Variants in CASP4 observed in about 807,000 individuals in gnomAD.
The protein encoded by CASP4 is caspase 4, also known as caspase-4.
A neutral mutation model predicts 41.3 loss-of-function variants in CASP4; 29 were observed. That is an observed-to-expected ratio of 0.70 (90% CI 0.52 to 0.96). The LOEUF (loss-of-function observed/expected upper bound fraction) is 0.96. Among genes scored for constraint, CASP4 ranks in the 40% least tolerant of loss-of-function variants. The pLI is 0.00. For missense variants in CASP4, 447 were observed against 460.6 expected (o/e 0.97, Z 0.27); for synonymous variants, 185 against 158.4 (o/e 1.17, Z -1.26).
At chr11:104,964,971 A>T (rs563129407) in intron 1 of CASP4, among the ~76,000 whole-genome samples, 1 of 152,330 alleles carries the variant, frequency 6.6e-6, no homozygotes, top group East Asian at 1.9e-4. Flanking sequence ...AGTAAGACTA[A>T]AGCTTATTTT....
rs185131094 is a variant in CASP4, at chr11:104,951,425, T to C, written c.373-327A>G. The C allele has an allele frequency of 7.5e-4, 188 of 250,962 alleles. 1 individual carries two copies. The highest frequency in any genetic ancestry group is 3.1e-3 in the Admixed American group (62 of 20,124). 15.5% of individuals were successfully genotyped at this position (250,962 alleles called of 1,614,324 possible). On this transcript the variant is annotated intron_variant, in intron 3 of 8. Transcript: ENST00000444739. ...TGTTGTCGTTGACTCCAGTGAAAAA[T>C]GAATACAGCAAAAGTCTTTGCCTTC...
chr11:104,951,506 A>G lies in CASP4; in HGVS notation c.372+390T>C, dbSNP rs1477457280. On this transcript the variant is annotated intron_variant, in intron 3 of 8. Transcript: ENST00000444739. ...ACACATAAATTTATAATGTTTTTCAAGCTTTAATTATATTTCCCAAGTATC... is the reference window on the plus strand; with the variant it reads ...ACACATAAATTTATAATGTTTTTCAGGCTTTAATTATATTTCCCAAGTATC... The G allele has an allele frequency of 1.6e-5, 4 of 251,120 alleles. No homozygotes were observed. The East Asian group carries it at 3.6e-4, about 23-fold the overall frequency. 15.6% of individuals were successfully genotyped at this position (251,120 alleles called of 1,614,324 possible).
At chr11:104,955,488 AT>A (rs1288779258) in intron 1 of CASP4, among the ~76,000 whole-genome samples, 1 of 151,978 alleles carries the variant, frequency 6.6e-6, no homozygotes, top group Non-Finnish European at 1.5e-5. Context: ...TTGAATTTGC[AT>A]TTTTTTAACT....
chr11:104,947,029 C>T, intron 7 of CASP4, 54 bp downstream of exon 7: 1 of 1,257,554 alleles, frequency 8.0e-7, no homozygotes, highest in Non-Finnish European at 1.2e-6. Context: ...AAAAGTGAAT[C>T]ATGACAAATT....
intron 1 of CASP4, among the ~76,000 whole-genome samples, chr11:104,957,085 G>C: frequency 6.6e-6 from 1 of 152,064 alleles, no homozygotes; most frequent in Admixed American, 6.6e-5. Context: ...GAAATAAAAG[G>C]CATCAAAATT....
In CASP4 at chr11:104,954,991, G is replaced by A; in HGVS notation, c.18C>T (p.His6=). 6.2e-7 allele frequency: 1 copy of A among 1,612,558 alleles called. No individual in the cohort carries two copies. The highest frequency in any genetic ancestry group is 8.5e-7 in the Non-Finnish European group (1 of 1,179,426). MAEGN[H]RKKPLKVLES... is the part of the protein sequence containing the mutation. ...CCAACACCTTAAGTGGCTTTTTTCTGTGGTTGCCTTCTGTTAGAAATAGAA... is the reference window on the plus strand; with the variant it reads ...CCAACACCTTAAGTGGCTTTTTTCTATGGTTGCCTTCTGTTAGAAATAGAA... Residue 6 remains histidine, a synonymous_variant, in exon 2 of 9, where the codon CAC becomes CAT. Coordinates refer to ENST00000444739, the MANE Select transcript of CASP4 (RefSeq NM_001225.4).
chr11:104,959,905 T>C (rs992779792), intron 1 of CASP4, among the ~76,000 whole-genome samples: 5 of 152,204 alleles, frequency 3.3e-5, no homozygotes, highest in African/African-American at 1.2e-4. Flanking sequence ...ATCCTTTCTT[T>C]CTTAAGAAAT....
chr11:104,955,470 C>T (rs1359142993), intron 1 of CASP4, among the ~76,000 whole-genome samples: 2 of 152,046 alleles, frequency 1.3e-5, no homozygotes, highest in Non-Finnish European at 2.9e-5. Flanking sequence ...GGTGAAAGAA[C>T]TATATCTTTG....
chr11:104,950,559 A>G (rs1860582224), intron 4 of CASP4, among the ~76,000 whole-genome samples: 1 of 152,056 alleles, frequency 6.6e-6, no homozygotes, highest in African/African-American at 2.4e-5. Context: ...CGTTAGGAAT[A>G]GCTCTTAGCA....
intron 1 of CASP4, among the ~76,000 whole-genome samples, chr11:104,958,038 T>G (rs1860774060): frequency 6.6e-6 from 1 of 152,114 alleles, no homozygotes; most frequent in African/African-American, 2.4e-5. Context: ...AACACACAAC[T>G]GGGAAAGAAC....
intron 5 of CASP4, 143 bp downstream of exon 5, chr11:104,949,400 C>G: frequency 1.2e-6 from 1 of 852,430 alleles, no homozygotes; most frequent in Non-Finnish European, 1.9e-6. Context: ...TATACCAGAC[C>G]CTTAGGTAGA....
rs1478021667 is a variant in CASP4, at chr11:104,942,888, G to T, written c.*91C>A. On this transcript the variant is annotated 3_prime_UTR_variant, in exon 9 of 9. Transcript: ENST00000444739. The stretch of plus-strand genomic sequence containing the variant: ...CAGTTCGTTTGTCTTCACTTTTATT[G>T]AAATACAAAATGTTAAATATGCAAG... 2 of 455,968 alleles carry T rather than the reference G, an allele frequency of 4.4e-6. No homozygotes were observed. The highest frequency in any genetic ancestry group is 4.7e-5 in the Admixed American group (2 of 42,538). The allele number at this position is 455,968 out of a possible 1,614,324, so 28.2% of individuals were successfully genotyped here.
chr11:104,963,300 G>C (rs1473498066), intron 1 of CASP4, among the ~76,000 whole-genome samples: 1 of 152,082 alleles, frequency 6.6e-6, no homozygotes, highest in Non-Finnish European at 1.5e-5. Flanking sequence ...GAGGCACTAA[G>C]ATAACTTTTG....
chr11:104,952,018 G>C lies in CASP4; in HGVS notation c.263-13C>G, dbSNP rs375588138. ...ATATTCGGATGAGCTGCAGGATATT[G>C]CAGAACATAAATTGTGATTTCTGCC... On this transcript the variant is annotated splice_polypyrimidine_tract_variant and intron_variant, in intron 2 of 8. Coordinates refer to ENST00000444739, the MANE Select transcript of CASP4 (RefSeq NM_001225.4). The C allele has an allele frequency of 2.0e-6, 3 of 1,528,988 alleles. No individual in the cohort carries two copies. The African/African-American group carries it at 4.1e-5, about 21-fold the overall frequency. The allele number at this position is 1,528,988 out of a possible 1,614,324, so 94.7% of individuals were successfully genotyped here. A position where few individuals can be genotyped will look rare whatever the true frequency, so the allele number is the denominator to read the frequency against.
At position 104,968,563 on chromosome 11, in the gene CASP4, G is replaced by A. The variant is rs1403506911; in HGVS notation, c.-38C>T. The A allele has an allele frequency of 3.7e-6, 6 of 1,609,996 alleles. No individual in the cohort carries two copies. In the Admixed American group the frequency reaches 1.0e-4, roughly 27 times the overall value. On this transcript the variant is annotated 5_prime_UTR_variant, in exon 1 of 9. Coordinates refer to ENST00000444739, the MANE Select transcript of CASP4 (RefSeq NM_001225.4). ...CTGTCCTTTTTTACAGCGTTGGAAAGAGCCTCAGAGTCAAAAATGAAAGTA... is the reference window on the plus strand; with the variant it reads ...CTGTCCTTTTTTACAGCGTTGGAAAAAGCCTCAGAGTCAAAAATGAAAGTA...
At position 104,948,616 on chromosome 11, in the gene CASP4, T is replaced by A; in HGVS notation, c.842A>T (p.Gln281Leu). The change falls in exon 6 of 9, where the codon CAG becomes CTG. Residue 281 changes from glutamine (Q) to leucine (L), a missense_variant. Transcript: ENST00000444739. ...SPASLEVASS[Q>L]SSENLEEDAV... Reference sequence around the variant, plus strand: ...ATCTTCCTCTAGGTTCTCAGATGACTGTGAAGAGGCCACTTCCAAGGATGC... The same window carrying A: ...ATCTTCCTCTAGGTTCTCAGATGACAGTGAAGAGGCCACTTCCAAGGATGC... The A allele has an allele frequency of 1.2e-6, 2 of 1,611,460 alleles. No homozygotes were observed. Among genetic ancestry groups the A allele is most frequent in the Non-Finnish European group, 8.5e-7 (1 of 1,178,430 alleles).
chr11:104,958,952 C>G (rs1382605216), intron 1 of CASP4, among the ~76,000 whole-genome samples: 1 of 96,604 alleles, frequency 1.0e-5, no homozygotes, highest in Non-Finnish European at 1.8e-5. Flanking sequence ...CAGAGTGAGA[C>G]TCTGTCTCAA....
At position 104,950,916 on chromosome 11, in the gene CASP4, G is replaced by A. The variant is rs1860594625; in HGVS notation, c.546+9C>T. On this transcript the variant is annotated intron_variant, in intron 4 of 8. Transcript: ENST00000444739. ...ATGTATGTGTTTGTGGCGGCTGAGG[G>A]ATTCTTACCCTGGCTGTCAGATTCT... The A allele has an allele frequency of 6.2e-7, 1 of 1,609,078 alleles. No individual in the cohort carries two copies. Among genetic ancestry groups the A allele is most frequent in the Non-Finnish European group, 8.5e-7 (1 of 1,177,448 alleles).
intron 1 of CASP4, among the ~76,000 whole-genome samples, chr11:104,963,199 C>A (rs1365899897): frequency 1.3e-5 from 2 of 152,168 alleles, no homozygotes; most frequent in Non-Finnish European, 2.9e-5. Context: ...CTTCTTGGAT[C>A]TCGTTTTTCT....
Sources: gnomAD v4.1 joint callset for allele counts (sites outside exome capture counted in the v4.1 genomes callset) on GRCh38, gnomAD v4.1.1 for gene constraint, MANE v1.5 for transcripts, NCBI Gene and HGNC (gene_info 2026-07-23, HGNC 2026-07-21) for gene names.